HCLS1: variants seen among roughly 807,000 people sequenced by gnomAD.
The protein encoded by HCLS1 is hematopoietic lineage cell-specific protein.
Under a neutral mutation model 68.6 loss-of-function variants are expected in HCLS1, and 44 were observed. The observed-to-expected ratio is 0.64, with a 90% CI of 0.50 to 0.82. The LOEUF (loss-of-function observed/expected upper bound fraction) is 0.82, where lower values mean the gene tolerates loss of function less well. Ranked by LOEUF, HCLS1 falls within the 40% of genes least tolerant of loss-of-function variation. The pLI, the probability that HCLS1 is intolerant of heterozygous loss-of-function variation, is 0.00. For missense variants in HCLS1, 602 were observed against 612.1 expected (o/e 0.98, Z 0.17); for synonymous variants, 217 against 225.8 (o/e 0.96, Z 0.35).
At chr3:121,634,133 A>G (rs1379148737) in intron 10 of HCLS1, 74 bp downstream of exon 10, 6 of 1,592,204 alleles carry the variant, frequency 3.8e-6, no homozygotes, top group Non-Finnish European at 5.1e-6. Context: ...ATTTTCTGCC[A>G]ATGGTTTGGA....
intron 3 of HCLS1, among the ~76,000 whole-genome samples, chr3:121,649,951 T>C (rs1937706899): frequency 1.3e-5 from 2 of 152,060 alleles, no homozygotes; most frequent in Admixed American, 1.3e-4. Flanking sequence ...CCTAAAGAAT[T>C]CACACAAAAA....
intron 6 of HCLS1, among the ~76,000 whole-genome samples, chr3:121,639,530 T>TGTTG (rs2049178736): frequency 6.6e-6 from 1 of 151,112 alleles, no homozygotes; most frequent in Non-Finnish European, 1.5e-5. Flanking sequence ...GATTTTATTT[T>TGTTG]TTGTTGTTGT....
chr3:121,654,656 C>T (rs1029835819), intron 3 of HCLS1, among the ~76,000 whole-genome samples: 3 of 152,200 alleles, frequency 2.0e-5, no homozygotes, highest in South Asian at 2.1e-4. Context: ...AGAGACATCA[C>T]GGTGTGGGGA....
Position 121,631,876 on chromosome 3 carries a change from G to T in HCLS1, c.1431C>A (p.Phe477Leu). ...CCAGAAGCTTGACATAATTTGCAGGGAAGAGTCCAAAGTGGCCATGGCAAC... is the reference window on the plus strand; with the variant it reads ...CCAGAAGCTTGACATAATTTGCAGGTAAGAGTCCAAAGTGGCCATGGCAAC... Reference protein sequence around the residue: ...RGRCHGHFGLFPANYVKLLE With the variant: ...RGRCHGHFGLLPANYVKLLE Residue 477 changes from phenylalanine (F) to leucine (L), a missense_variant, in exon 14 of 14, where the codon TTC becomes TTA. Phe to Leu is a conservative substitution (Grantham distance 22). Transcript: ENST00000314583. The T allele has an allele frequency of 6.2e-7, 1 of 1,614,104 alleles. No homozygotes were observed. Among genetic ancestry groups the T allele is most frequent in the Non-Finnish European group, 8.5e-7 (1 of 1,180,014 alleles).
Position 121,634,322 on chromosome 3 carries a change from C to G in HCLS1, c.788G>C (p.Arg263Thr). Residue 263 changes from arginine (R) to threonine (T), a missense_variant, in exon 10 of 14, where the codon AGG becomes ACG. Arg to Thr is a moderately conservative substitution (Grantham distance 71). Transcript: ENST00000314583. ...EEEEKAQQVARRQQERKAVTK... is the reference protein window; with the variant it reads ...EEEEKAQQVATRQQERKAVTK... ...CACAGCCTTTCGCTCCTGTTGCCTCCTGGCCACCTGCTGTGCCTTCTCCTC... is the reference window on the plus strand; with the variant it reads ...CACAGCCTTTCGCTCCTGTTGCCTCGTGGCCACCTGCTGTGCCTTCTCCTC... The G allele has an allele frequency of 6.2e-7, 1 of 1,614,174 alleles. No individual in the cohort carries two copies. The highest frequency in any genetic ancestry group is 8.5e-7 in the Non-Finnish European group (1 of 1,180,018).
chr3:121,646,318 AAT>A (rs2049247615), intron 4 of HCLS1, among the ~76,000 whole-genome samples: 2 of 101,810 alleles, frequency 2.0e-5, no homozygotes, highest in Admixed American at 1.5e-4. Context: ...TATATAATAT[AAT>A]ATATATTATA....
At chr3:121,639,081 T>G (rs2049175263) in intron 6 of HCLS1, among the ~76,000 whole-genome samples, 1 of 150,046 alleles carries the variant, frequency 6.7e-6, no homozygotes, top group Non-Finnish European at 1.5e-5. Context: ...CTGACAGAAG[T>G]AGAAAGAGAA....
At chr3:121,637,923 G>A (rs1421820046) in intron 6 of HCLS1, among the ~76,000 whole-genome samples, 3 of 149,654 alleles carry the variant, frequency 2.0e-5, no homozygotes, top group East Asian at 3.9e-4. Context: ...GTGACAGAGC[G>A]AGACTCCATC....
intron 7 of HCLS1, 67 bp downstream of exon 7, chr3:121,637,079 C>A: frequency 8.6e-7 from 1 of 1,165,882 alleles, no homozygotes; most frequent in Non-Finnish European, 1.3e-6. Flanking sequence ...CCCGGGTGAG[C>A]TTCCAGAAAG....
At chr3:121,639,615 C>T (rs868187333) in intron 6 of HCLS1, among the ~76,000 whole-genome samples, 16 of 152,220 alleles carry the variant, frequency 1.1e-4, no homozygotes, top group Middle Eastern at 6.8e-3. Context: ...GTGGCACAAT[C>T]ATGGCTTGCT....
chr3:121,635,900 T>C lies in HCLS1; in HGVS notation c.622-96A>G, dbSNP rs2049146713. ...GGGGGTTGGGGGCCACTATAAGAGG[T>C]ATCCCTAACCATTGGATGCTCAACA... On this transcript the variant is annotated intron_variant, in intron 8 of 13. Coordinates refer to ENST00000314583, the MANE Select transcript of HCLS1 (RefSeq NM_005335.6). 8 of 898,406 alleles carry C rather than the reference T, an allele frequency of 8.9e-6. No individual in the cohort carries two copies. In the South Asian group the frequency reaches 1.1e-4, roughly 12 times the overall value. 55.7% of individuals were successfully genotyped at this position (898,406 alleles called of 1,614,324 possible).
At chr3:121,644,570 TATTC>T (rs1382285768) in intron 5 of HCLS1, 1 of 618,188 alleles carries the variant, frequency 1.6e-6, no homozygotes, top group African/African-American at 1.8e-5. Context: ...CTTGAGGAAT[TATTC>T]ATTCAAACAC....
chr3:121,646,547 T>A (rs1489705480), intron 4 of HCLS1, among the ~76,000 whole-genome samples: 11 of 109,234 alleles, frequency 1.0e-4, no homozygotes, highest in African/African-American at 3.4e-4. Context: ...AAGTATATAT[T>A]ATATATATTA....
chr3:121,633,759 A>G (rs72955370), intron 10 of HCLS1, among the ~76,000 whole-genome samples: 1,831 of 151,816 alleles, frequency 0.012, 38 homozygotes, highest in African/African-American at 0.041. Context: ...AGGTTGGTCT[A>G]GAACTCCTGG....
intron 6 of HCLS1, among the ~76,000 whole-genome samples, chr3:121,637,956 TC>T (rs1221879604): frequency 6.7e-6 from 1 of 149,790 alleles, no homozygotes; most frequent in Non-Finnish European, 1.5e-5. Context: ...AAAGTGAAGC[TC>T]AGCAGAAAGG....
intron 6 of HCLS1, among the ~76,000 whole-genome samples, chr3:121,640,834 C>G (rs1305514477): frequency 0.11 from 1,288 of 11,936 alleles, no homozygotes; most frequent in Middle Eastern, 0.21. Flanking sequence ...GGGGAGGGGA[C>G]GGGAGGGCAG....
intron 5 of HCLS1, chr3:121,644,455 C>T: frequency 2.9e-6 from 1 of 346,972 alleles, no homozygotes; most frequent in South Asian, 2.4e-5. Context: ...ATCTGTTTTC[C>T]TAAACGGCAT....
In HCLS1 at chr3:121,642,900, A is replaced by G. The variant is rs776650016; in HGVS notation, c.454+27T>C. On this transcript the variant is annotated intron_variant, in intron 6 of 13. Coordinates refer to ENST00000314583, the MANE Select transcript of HCLS1 (RefSeq NM_005335.6). Reference sequence around the variant, plus strand: ...GAAGAGCCTGCCGGTCAGATTGCTGAGGCTGAGTGAAGTACAGTGTCCTTG... The same window carrying G: ...GAAGAGCCTGCCGGTCAGATTGCTGGGGCTGAGTGAAGTACAGTGTCCTTG... The G allele has an allele frequency of 5.7e-6, 9 of 1,590,912 alleles. No individual in the cohort carries two copies. In the African/African-American group the frequency reaches 1.2e-4, roughly 21 times the overall value.
chr3:121,637,000 T>C, intron 7 of HCLS1, 146 bp downstream of exon 7: 1 of 640,154 alleles, frequency 1.6e-6, no homozygotes. Flanking sequence ...CCACCACCTG[T>C]CCCCACACAT....
Sources: gnomAD v4.1 joint callset for allele counts (sites outside exome capture counted in the v4.1 genomes callset) on GRCh38, gnomAD v4.1.1 for gene constraint, MANE v1.5 for transcripts, NCBI Gene and HGNC (gene_info 2026-07-23, HGNC 2026-07-21) for gene names.